PCED1B: variants seen among roughly 807,000 people sequenced by gnomAD.
The protein encoded by PCED1B is PC-esterase domain containing 1B, also known as PC-esterase domain-containing protein 1B.
For synonymous variants in PCED1B, 251 were observed against 246.1 expected (o/e 1.02, Z -0.19); for missense variants, 573 against 573.9 (o/e 1.00, Z 0.02).
At chr12:47,093,243 A>G (rs1280457723) in intron 1 of PCED1B, among the ~76,000 whole-genome samples, 2 of 151,896 alleles carry the variant, frequency 1.3e-5, no homozygotes, top group Non-Finnish European at 2.9e-5. Context: ...TGTTTATTTC[A>G]TCCAAATTGT....
intron 1 of PCED1B, among the ~76,000 whole-genome samples, chr12:47,088,830 T>C (rs1938113967): frequency 6.6e-6 from 1 of 152,188 alleles, no homozygotes; most frequent in Non-Finnish European, 1.5e-5. Flanking sequence ...ATTGTTCATA[T>C]TTATCTCAAA....
intron 2 of PCED1B, among the ~76,000 whole-genome samples, chr12:47,155,996 T>C (rs924184829): frequency 6.6e-6 from 1 of 152,216 alleles, no homozygotes; most frequent in Non-Finnish European, 1.5e-5. Context: ...GCTAATGCTT[T>C]GTGAAACTGC....
chr12:47,101,986 A>G (rs894696425), intron 1 of PCED1B, among the ~76,000 whole-genome samples: 1 of 152,162 alleles, frequency 6.6e-6, no homozygotes, highest in Admixed American at 6.5e-5. Context: ...TTTATTATGC[A>G]TTATTTCTAA....
chr12:47,129,651 T>A (rs1271764764), intron 2 of PCED1B, among the ~76,000 whole-genome samples: 1 of 152,142 alleles, frequency 6.6e-6, no homozygotes, highest in Non-Finnish European at 1.5e-5. Flanking sequence ...GGGATTCTCA[T>A]GCCAGGTTAT....
At chr12:47,086,350 G>T (rs1482955654) in intron 1 of PCED1B, among the ~76,000 whole-genome samples, 4 of 112,694 alleles carry the variant, frequency 3.5e-5, no homozygotes, top group African/African-American at 1.0e-4. Context: ...ACTGTACTAT[G>T]TGCTTATGGT....
chr12:47,212,142 A>G (rs1185864006), intron 2 of PCED1B, among the ~76,000 whole-genome samples: 1 of 150,614 alleles, frequency 6.6e-6, no homozygotes, highest in Non-Finnish European at 1.5e-5. Flanking sequence ...ATGGTGGCTC[A>G]CTCCTGTGGT....
chr12:47,081,894 A>G (rs1203825908), intron 1 of PCED1B, among the ~76,000 whole-genome samples: 1 of 152,250 alleles, frequency 6.6e-6, no homozygotes, highest in African/African-American at 2.4e-5. Context: ...TATTATAACT[A>G]CAGGCATATT....
At chr12:47,203,119 G>T (rs976425713) in intron 2 of PCED1B, among the ~76,000 whole-genome samples, 2 of 151,686 alleles carry the variant, frequency 1.3e-5, no homozygotes, top group African/African-American at 4.8e-5. Flanking sequence ...ACAGGCAGCC[G>T]CCACCATGCC....
At chr12:47,171,225 G>A (rs905756465) in intron 2 of PCED1B, among the ~76,000 whole-genome samples, 1 of 151,828 alleles carries the variant, frequency 6.6e-6, no homozygotes, top group African/African-American at 2.4e-5. Flanking sequence ...GCACCACCAC[G>A]CCCGGCTAAT....
At chr12:47,153,033 G>A (rs956208406) in intron 2 of PCED1B, among the ~76,000 whole-genome samples, 3 of 151,972 alleles carry the variant, frequency 2.0e-5, no homozygotes, top group Non-Finnish European at 4.4e-5. Context: ...AATGATTCTA[G>A]GAAAAGGAGA....
intron 2 of PCED1B, among the ~76,000 whole-genome samples, chr12:47,215,953 T>G (rs1211774234): frequency 6.6e-6 from 1 of 151,948 alleles, no homozygotes; most frequent in Non-Finnish European, 1.5e-5. Context: ...ACTCGGAGCC[T>G]GAAGCAGGAG....
intron 1 of PCED1B, among the ~76,000 whole-genome samples, chr12:47,086,723 G>A (rs1457277393): frequency 6.6e-6 from 1 of 152,140 alleles, no homozygotes; most frequent in Non-Finnish European, 1.5e-5. Context: ...TTGTTAGCCT[G>A]AAGAGGTCAT....
chr12:47,178,815 C>A (rs957261024), intron 2 of PCED1B, among the ~76,000 whole-genome samples: 7 of 145,128 alleles, frequency 4.8e-5, no homozygotes, highest in Non-Finnish European at 1.0e-4. Flanking sequence ...TGCAGTGAGC[C>A]GTGATCACGC....
chr12:47,089,139 G>A (rs894442500), intron 1 of PCED1B, among the ~76,000 whole-genome samples: 2 of 151,818 alleles, frequency 1.3e-5, no homozygotes, highest in African/African-American at 4.8e-5. Context: ...ACATGGAGAG[G>A]GACTTAAAAT....
chr12:47,177,518 A>G (rs368912480), intron 2 of PCED1B, among the ~76,000 whole-genome samples: 4 of 152,236 alleles, frequency 2.6e-5, no homozygotes, highest in East Asian at 3.9e-4. Context: ...ATTAGAGGAC[A>G]TGAGTTTGGT....
Position 47,236,246 on chromosome 12 carries a change from G to A in PCED1B, c.1183G>A (p.Val395Met). The A allele has an allele frequency of 1.2e-6, 2 of 1,614,158 alleles. No individual in the cohort carries two copies. The highest frequency in any genetic ancestry group is 1.7e-6 in the Non-Finnish European group (2 of 1,180,024). The change falls in exon 4 of 4, where the codon GTG (valine) becomes ATG (methionine). Residue 395 changes from valine (V) to methionine (M), a missense_variant. By Grantham distance (21) the Val-to-Met change is conservative. Transcript: ENST00000546455. Reference sequence around the variant, plus strand: ...ACCCCGTTATCAGCGGCCTGCCCCAGTGGTACATAGGGGTTTTGGCAGGTA... The same window carrying A: ...ACCCCGTTATCAGCGGCCTGCCCCAATGGTACATAGGGGTTTTGGCAGGTA... Reference protein sequence around the residue: ...PTPRYQRPAPVVHRGFGRYRP... With the variant: ...PTPRYQRPAPMVHRGFGRYRP...
intron 1 of PCED1B, among the ~76,000 whole-genome samples, chr12:47,094,090 T>C (rs1298227962): frequency 6.6e-6 from 1 of 152,110 alleles, no homozygotes. Flanking sequence ...TCCATTTTTG[T>C]TTAGTTTATT....
chr12:47,125,892 C>T lies in PCED1B; in HGVS notation c.-526+21697C>T, dbSNP rs539576254. ...GCTTAACTCATTTACTAGTTCAAAT[C>T]GTTTTTTAAAATGTTTCATAGGATT... On this transcript the variant is annotated intron_variant, in intron 2 of 3. Coordinates refer to ENST00000546455, the MANE Select transcript of PCED1B (RefSeq NM_138371.3). Among the ~76,000 whole-genome samples, 10 of 152,032 alleles carry T rather than the reference C, an allele frequency of 6.6e-5. No individual in the cohort carries two copies. The East Asian group carries it at 1.3e-3, about 21-fold the overall frequency.
At chr12:47,171,897 C>CTCTTCTTCCTCT (rs1941754226) in intron 2 of PCED1B, among the ~76,000 whole-genome samples, 2 of 138,610 alleles carry the variant, frequency 1.4e-5, no homozygotes, top group South Asian at 4.5e-4. Flanking sequence ...CTTCTTCTTC[C>CTCTTCTTCCTCT]TCTTCTTCCT....
Sources: gnomAD v4.1 joint callset for allele counts (sites outside exome capture counted in the v4.1 genomes callset) on GRCh38, gnomAD v4.1.1 for gene constraint, MANE v1.5 for transcripts, NCBI Gene and HGNC (gene_info 2026-07-23, HGNC 2026-07-21) for gene names.